The following LONRF1 variants were observed in gnomAD, a reference collection of about 807,000 sequenced individuals.
LONRF1 encodes the protein LON peptidase N-terminal domain and RING finger protein 1.
LONRF1 carries 37 observed loss-of-function variants against 85.8 expected under a neutral mutation model. The observed-to-expected ratio is 0.43, with a 90% confidence interval of 0.33 to 0.57. The LOEUF (loss-of-function observed/expected upper bound fraction) is 0.57. LONRF1 is among the 20% of genes least tolerant of loss of function. The pLI is 0.04. For missense variants in LONRF1, 1,036 were observed against 978.0 expected (o/e 1.06, Z -0.79); for synonymous variants, 517 against 390.1 (o/e 1.33, Z -3.83).
At chr8:12,742,149 G>T (rs928762468) in intron 2 of LONRF1, among the ~76,000 whole-genome samples, 1 of 152,126 alleles carries the variant, frequency 6.6e-6, no homozygotes, top group Non-Finnish European at 1.5e-5. Flanking sequence ...CATGCACACT[G>T]ACCACTGCCC....
intron 1 of LONRF1, among the ~76,000 whole-genome samples, chr8:12,752,679 C>G (rs1173907587): frequency 6.6e-6 from 1 of 152,148 alleles, no homozygotes; most frequent in Non-Finnish European, 1.5e-5. Flanking sequence ...GATCCAAGAA[C>G]CAGAATCTCT....
In LONRF1 at chr8:12,755,078, C is replaced by G; in HGVS notation, c.343G>C (p.Gly115Arg). 1 of 1,472,658 alleles carries G rather than the reference C, an allele frequency of 6.8e-7. No individual in the cohort carries two copies. The highest frequency in any genetic ancestry group is 8.9e-7 in the Non-Finnish European group (1 of 1,117,336). 91.2% of individuals were successfully genotyped at this position (1,472,658 alleles called of 1,614,324 possible). A position where few individuals can be genotyped will look rare whatever the true frequency, so the allele number is the denominator to read the frequency against. ...CATCTGAGGAGCCCGCCGGCGCCGC[C>G]GTCAGCGCCTGCAACCGGGGCCGCG... ...WSAAPVAGADGGAGGLLRCLG... is the reference protein window; with the variant it reads ...WSAAPVAGADRGAGGLLRCLG... Residue 115 changes from glycine to arginine, a missense_variant, in exon 1 of 12, where the codon GGC (glycine) becomes CGC (arginine). This residue lies in a region of LONRF1 where 742 missense variants were observed against 614.4 expected (regional missense o/e 1.21). Transcript: ENST00000398246.
At chr8:12,725,196 C>G (rs974034690) in intron 11 of LONRF1, among the ~76,000 whole-genome samples, 1 of 152,022 alleles carries the variant, frequency 6.6e-6, no homozygotes, top group Non-Finnish European at 1.5e-5. Context: ...TAAGTACCTG[C>G]AAGACTAAAA....
intron 7 of LONRF1, 127 bp downstream of exon 7, chr8:12,735,159 C>T (rs1798670544): frequency 3.1e-6 from 2 of 642,050 alleles, no homozygotes; most frequent in Non-Finnish European, 5.4e-6. Context: ...AAACATTATC[C>T]TTGTTAGTCA....
intron 1 of LONRF1, among the ~76,000 whole-genome samples, chr8:12,750,561 T>A (rs1173351630): frequency 1.3e-5 from 2 of 152,248 alleles, no homozygotes; most frequent in African/African-American, 4.8e-5. Context: ...TGTGGGTAAC[T>A]GAAACCACAA....
At chr8:12,743,546 G>A (rs534248832) in intron 1 of LONRF1, among the ~76,000 whole-genome samples, 3 of 152,198 alleles carry the variant, frequency 2.0e-5, no homozygotes, top group African/African-American at 7.2e-5. Flanking sequence ...TTTATAATAT[G>A]AATAATCACT....
At chr8:12,751,524 C>T (rs58720943) in intron 1 of LONRF1, among the ~76,000 whole-genome samples, 1 of 151,056 alleles carries the variant, frequency 6.6e-6, no homozygotes, top group Non-Finnish European at 1.5e-5. Flanking sequence ...AGGCTGGTCT[C>T]GAACTCCTGG....
chr8:12,725,169 A>T (rs1273707706), intron 11 of LONRF1, among the ~76,000 whole-genome samples: 1 of 152,210 alleles, frequency 6.6e-6, no homozygotes, highest in African/African-American at 2.4e-5. Flanking sequence ...CATTAGACTA[A>T]GCTTAAGTGT....
At chr8:12,745,420 C>T (rs1161526422) in intron 1 of LONRF1, among the ~76,000 whole-genome samples, 1 of 146,800 alleles carries the variant, frequency 6.8e-6, no homozygotes, top group African/African-American at 2.5e-5. Flanking sequence ...ATCTCAAATT[C>T]TTAAGCGCCA....
intron 4 of LONRF1, 77 bp from the exon 5 acceptor site, chr8:12,737,217 A>G (rs1244273773): frequency 2.0e-6 from 3 of 1,524,080 alleles, no homozygotes; most frequent in East Asian, 2.3e-5. Flanking sequence ...TCAAACTGAA[A>G]TGAAATTTCA....
In LONRF1 at chr8:12,740,966, C is replaced by T. The variant is rs770316883; in HGVS notation, c.871G>A (p.Asp291Asn). ...AAGGCATCACCTAAAAAACCAGCAT[C>T]GCAGAGTACTTTTCCTTTCCTGAAG... Reference protein sequence around the residue: ...VYFRKGKVLCDAGFLGDALQL... With the variant: ...VYFRKGKVLCNAGFLGDALQL... The change falls in exon 3 of 12, where the codon GAT becomes AAT. Residue 291 changes from aspartate to asparagine, a missense_variant. Asp to Asn is a conservative substitution (Grantham distance 23). This residue lies in a region of LONRF1 where 742 missense variants were observed against 614.4 expected (regional missense o/e 1.21). Transcript: ENST00000398246. 7 of 1,613,426 alleles carry T rather than the reference C, an allele frequency of 4.3e-6. No individual in the cohort carries two copies. The highest frequency in any genetic ancestry group is 2.2e-5 in the South Asian group (2 of 91,078).
intron 6 of LONRF1, 58 bp from the exon 7 acceptor site, chr8:12,735,458 G>T: frequency 9.1e-7 from 1 of 1,093,650 alleles, no homozygotes; most frequent in South Asian, 1.3e-5. Flanking sequence ...TGAAAAGCTT[G>T]TACTACTTTA....
intron 1 of LONRF1, chr8:12,754,480 G>C (rs1172565737): frequency 6.8e-6 from 3 of 438,076 alleles, no homozygotes; most frequent in African/African-American, 4.1e-5. Context: ...CCCGCGCCGC[G>C]TCACAGTCGG....
At chr8:12,725,685 TA>T in intron 11 of LONRF1, 41 bp downstream of exon 11, 1 of 1,582,098 alleles carries the variant, frequency 6.3e-7, no homozygotes, top group Non-Finnish European at 8.6e-7. Flanking sequence ...AATTTGGGTT[TA>T]TAAAAAAGTG....
rs1016521796 is a variant in LONRF1, at chr8:12,754,912, G to C, written c.509C>G (p.Thr170Ser). The change falls in exon 1 of 12, where the codon ACT (threonine) becomes AGT (serine). Residue 170 changes from threonine to serine, a missense_variant. This residue lies in a region of LONRF1 where 742 missense variants were observed against 614.4 expected (regional missense o/e 1.21). Transcript: ENST00000398246. ...DRLPPATASA[T>S]DAEGTAPRPP... Reference sequence around the variant, plus strand: ...CCGCGGGGCGGTCCCTTCAGCATCAGTGGCACTGGCGGTGGCGGGCGGCAG... The same window carrying C: ...CCGCGGGGCGGTCCCTTCAGCATCACTGGCACTGGCGGTGGCGGGCGGCAG... The C allele has an allele frequency of 2.3e-5, 34 of 1,493,456 alleles. No homozygotes were observed. Among genetic ancestry groups the C allele is most frequent in the Non-Finnish European group, 2.8e-5 (31 of 1,125,600 alleles). The allele number at this position is 1,493,456 out of a possible 1,614,324, so 92.5% of individuals were successfully genotyped here.
chr8:12,734,351 G>A (rs1270693046), intron 7 of LONRF1, among the ~76,000 whole-genome samples: 1 of 152,076 alleles, frequency 6.6e-6, no homozygotes, highest in Non-Finnish European at 1.5e-5. Flanking sequence ...TTCTATACAG[G>A]AAATACTGTA....
chr8:12,751,304 T>TTTTTTTTTTTTTTTG (rs1799388623), intron 1 of LONRF1, among the ~76,000 whole-genome samples: 1 of 122,098 alleles, frequency 8.2e-6, no homozygotes, highest in Non-Finnish European at 1.7e-5. Flanking sequence ...ATGTTTTTTT[T>TTTTTTTTTTTTTTTG]TTTTTTTTTT....
chr8:12,753,681 T>G (rs148149774), intron 1 of LONRF1: 2 of 152,188 alleles, frequency 1.3e-5, no homozygotes, highest in South Asian at 4.1e-4. Flanking sequence ...CTGATTTATA[T>G]AGAACAACTC....
intron 1 of LONRF1, among the ~76,000 whole-genome samples, chr8:12,747,986 T>A (rs1169114740): frequency 6.6e-6 from 1 of 152,198 alleles, no homozygotes; most frequent in Non-Finnish European, 1.5e-5. Flanking sequence ...CTGTTTATAA[T>A]CTGCTTTTTT....
Sources: gnomAD v4.1 joint callset for allele counts (sites outside exome capture counted in the v4.1 genomes callset) on GRCh38, gnomAD v4.1.1 for gene constraint, gnomAD v4.1.1 regional missense constraint, MANE v1.5 for transcripts, NCBI Gene and HGNC (gene_info 2026-07-23, HGNC 2026-07-21) for gene names.